The following RIMS1 variants were observed in gnomAD, a reference collection of about 807,000 sequenced individuals.
RIMS1 encodes regulating synaptic membrane exocytosis 1, also known as regulating synaptic membrane exocytosis protein 1.
In RIMS1, 83 loss-of-function variants were observed where a neutral mutation model predicts 214.1. The observed-to-expected ratio is 0.39, with a 90% CI of 0.32 to 0.47. The LOEUF is 0.47. Ranked by LOEUF, RIMS1 falls within the 20% of genes least tolerant of loss-of-function variation. RIMS1 has a pLI of 0.99. For synonymous variants in RIMS1, 793 were observed against 786.8 expected (o/e 1.01, Z -0.13); for missense variants, 2,050 against 2,161.8 (o/e 0.95, Z 1.03).
intron 19 of RIMS1, chr6:72,262,016 C>T (rs2078254722): frequency 2.0e-6 from 2 of 984,692 alleles, no homozygotes; most frequent in Non-Finnish European, 2.4e-6. Context: ...TTCTCACACT[C>T]CTCTTGATGT....
chr6:72,371,749 C>G (rs1039129587), intron 29 of RIMS1, among the ~76,000 whole-genome samples: 1 of 151,292 alleles, frequency 6.6e-6, no homozygotes, highest in Non-Finnish European at 1.5e-5. Context: ...ATAGACGAGC[C>G]CCTTAGCCAT....
intron 29 of RIMS1, among the ~76,000 whole-genome samples, chr6:72,378,898 A>G (rs1264961042): frequency 6.6e-6 from 1 of 152,158 alleles, no homozygotes; most frequent in Non-Finnish European, 1.5e-5. Context: ...GTGGGGTGCC[A>G]TGAGGGTATT....
intron 2 of RIMS1, among the ~76,000 whole-genome samples, chr6:72,032,231 C>T (rs973344813): frequency 4.0e-5 from 6 of 151,678 alleles, no homozygotes; most frequent in African/African-American, 9.7e-5. Flanking sequence ...ATGAATCACC[C>T]GTAATTAAAC....
At chr6:72,053,899 ATTATTT>A (rs1211211767) in intron 2 of RIMS1, among the ~76,000 whole-genome samples, 1 of 152,072 alleles carries the variant, frequency 6.6e-6, no homozygotes, top group African/African-American at 2.4e-5. Flanking sequence ...ATTTCATTGT[ATTATTT>A]TTATTTTTAT....
intron 2 of RIMS1, among the ~76,000 whole-genome samples, chr6:72,036,820 G>T (rs982337471): frequency 6.6e-6 from 1 of 152,126 alleles, no homozygotes; most frequent in African/African-American, 2.4e-5. Flanking sequence ...AAGTTGTCAC[G>T]CATGTAGAGT....
At chr6:72,284,252 A>C in intron 24 of RIMS1, 134 bp downstream of exon 24, 1 of 600,698 alleles carries the variant, frequency 1.7e-6, no homozygotes, top group Non-Finnish European at 2.9e-6. Context: ...AACTAAACCT[A>C]CCCCTAAATG....
At chr6:71,933,946 TG>T (rs57118732) in intron 1 of RIMS1, among the ~76,000 whole-genome samples, 1,815 of 152,280 alleles carry the variant, frequency 0.012, 46 homozygotes, top group African/African-American at 0.041. Context: ...CCTCTTACTT[TG>T]TGGGCCTTAC....
intron 4 of RIMS1, among the ~76,000 whole-genome samples, chr6:72,174,575 A>C (rs1487119366): frequency 6.6e-6 from 1 of 152,212 alleles, no homozygotes. Context: ...TTCACTGCAG[A>C]GTTCTGTGTT....
intron 2 of RIMS1, among the ~76,000 whole-genome samples, chr6:71,980,825 A>G (rs1798302729): frequency 6.6e-6 from 1 of 152,118 alleles, no homozygotes; most frequent in Admixed American, 6.6e-5. Flanking sequence ...CGCCTTAATG[A>G]CAAGTGGATG....
chr6:71,894,917 C>G (rs1284946107), intron 1 of RIMS1, among the ~76,000 whole-genome samples: 2 of 152,038 alleles, frequency 1.3e-5, no homozygotes, highest in African/African-American at 4.8e-5. Flanking sequence ...GAAAATAATA[C>G]CATGCTAATG....
chr6:72,342,238 A>C (rs1372589771), intron 29 of RIMS1, among the ~76,000 whole-genome samples: 5 of 151,876 alleles, frequency 3.3e-5, no homozygotes, highest in African/African-American at 1.2e-4. Context: ...TTTGTCATTC[A>C]TTTCAGCTCC....
intron 23 of RIMS1, 143 bp downstream of exon 23, chr6:72,274,575 G>T: frequency 1.6e-6 from 1 of 626,370 alleles, no homozygotes; most frequent in South Asian, 1.9e-5. Context: ...GCCAACTCTG[G>T]TAAAGCACCT....
chr6:72,251,087 G>A lies in RIMS1; in HGVS notation c.2539G>A (p.Gly847Arg). 6.3e-7 allele frequency: 1 copy of A among 1,579,036 alleles called. No individual in the cohort carries two copies. The highest frequency in any genetic ancestry group is 8.6e-7 in the Non-Finnish European group (1 of 1,161,428). Residue 847 changes from glycine to arginine, a missense_variant, in exon 14 of 34, where the codon GGA (glycine) becomes AGA (arginine). Physicochemically the swap from Gly to Arg is moderately radical, Grantham distance 125 (BLOSUM62 -2). This residue lies in a region of RIMS1 where 889 missense variants were observed against 885.5 expected (regional missense o/e 1.00). Transcript: ENST00000521978. The stretch of plus-strand genomic sequence containing the variant: ...GCAAGAAGAAGAAAGTGAATTTCTT[G>A]GAGAGGTGATGTATATTTTAAAAAC... ...RVQEEESEFL[G>R]EILIELETAL...
At chr6:72,059,103 C>CT (rs1827147232) in intron 2 of RIMS1, among the ~76,000 whole-genome samples, 1 of 152,152 alleles carries the variant, frequency 6.6e-6, no homozygotes. Flanking sequence ...ATGATTATCA[C>CT]TGGGAACAAC....
At position 72,291,913 on chromosome 6, in the gene RIMS1, C is replaced by G. The variant is rs373673111; in HGVS notation, c.3738-21C>G. ...CATTGGAATTTCATTGTTTCATGCC[C>G]GCTTTGCTTTTTGCCTGCAGAATGC... On this transcript the variant is annotated intron_variant, in intron 25 of 33. Transcript: ENST00000521978. 45 of 1,519,572 alleles carry G rather than the reference C, an allele frequency of 3.0e-5. No homozygotes were observed. The South Asian group carries it at 4.1e-4, about 14-fold the overall frequency. The allele number at this position is 1,519,572 out of a possible 1,614,324, so 94.1% of individuals were successfully genotyped here.
intron 2 of RIMS1, among the ~76,000 whole-genome samples, chr6:71,978,334 T>C (rs1343165218): frequency 6.6e-6 from 1 of 152,150 alleles, no homozygotes; most frequent in Non-Finnish European, 1.5e-5. Flanking sequence ...ACTTCAAATA[T>C]TGAAGACAAA....
chr6:72,327,608 C>G (rs1427259721), intron 28 of RIMS1, among the ~76,000 whole-genome samples: 1 of 151,792 alleles, frequency 6.6e-6, no homozygotes, highest in African/African-American at 2.4e-5. Flanking sequence ...TCTAAAGCAG[C>G]TGCATCACTT....
intron 2 of RIMS1, among the ~76,000 whole-genome samples, chr6:72,080,654 TGCTCA>T (rs1414816015): frequency 1.3e-5 from 2 of 152,198 alleles, no homozygotes. Flanking sequence ...CCTCTGCCCT[TGCTCA>T]GTCCATTCCT....
At chr6:72,134,009 G>T (rs1230274390) in intron 4 of RIMS1, among the ~76,000 whole-genome samples, 1 of 151,970 alleles carries the variant, frequency 6.6e-6, no homozygotes, top group Non-Finnish European at 1.5e-5. Flanking sequence ...TATTTTTCTA[G>T]GTTAATATAA....
Sources: allele counts gnomAD v4.1 joint callset (sites outside exome capture counted in the v4.1 genomes callset), GRCh38; gene constraint gnomAD v4.1.1; regional missense constraint gnomAD v4.1.1; transcripts MANE v1.5; gene names NCBI Gene and HGNC (gene_info 2026-07-23, HGNC 2026-07-21).